Variants in GPR158 observed in about 807,000 individuals in gnomAD.
GPR158 encodes metabotropic glycine receptor.
GPR158 carries 30 observed loss-of-function variants against 78.2 expected under a neutral mutation model. That is an observed-to-expected ratio of 0.38 (90% CI 0.29 to 0.52). The LOEUF (loss-of-function observed/expected upper bound fraction) is 0.52. Ranked by LOEUF, GPR158 falls within the 20% of genes least tolerant of loss-of-function variation. GPR158 has a pLI of 0.83. For missense variants in GPR158, 1,463 were observed against 1,523.5 expected (o/e 0.96, Z 0.66); for synonymous variants, 581 against 591.1 (o/e 0.98, Z 0.25).
chr10:25,476,479 T>A (rs1312466166), intron 5 of GPR158, among the ~76,000 whole-genome samples: 2 of 150,626 alleles, frequency 1.3e-5, no homozygotes, highest in Non-Finnish European at 3.0e-5. Flanking sequence ...ATGTAAGTAA[T>A]ACTTACGTTC....
chr10:25,382,223 C>T (rs1428661035), intron 2 of GPR158, among the ~76,000 whole-genome samples: 2 of 152,202 alleles, frequency 1.3e-5, no homozygotes, highest in East Asian at 3.9e-4. Flanking sequence ...GAAAATTGGG[C>T]TTGCTCACTC....
At chr10:25,471,293 CT>C (rs1374651563) in intron 5 of GPR158, among the ~76,000 whole-genome samples, 8 of 152,022 alleles carry the variant, frequency 5.3e-5, no homozygotes, top group Non-Finnish European at 8.8e-5. Context: ...TGAACTCATC[CT>C]TTTTTATGGC....
chr10:25,465,085 C>G (rs182116839), intron 4 of GPR158, among the ~76,000 whole-genome samples: 18 of 152,170 alleles, frequency 1.2e-4, no homozygotes, highest in Admixed American at 2.0e-4. Context: ...TAACAATACC[C>G]CACAGGGATT....
At chr10:25,337,186 T>C (rs1293243983) in intron 2 of GPR158, among the ~76,000 whole-genome samples, 1 of 152,220 alleles carries the variant, frequency 6.6e-6, no homozygotes, top group South Asian at 2.1e-4. Flanking sequence ...GACATACATA[T>C]AGTAAACCTG....
rs375909342 is a variant in GPR158 at position 25,580,630 on chromosome 10, GTTC to G, written c.1753+7746_1753+7748del. ...ACTTTCTCGTATCTGACAGATTAAC[GTTC>G]TTTAGATTCATTACATACATTTTCT... On this transcript the variant is annotated intron_variant, in intron 7 of 10. Coordinates refer to ENST00000376351, the MANE Select transcript of GPR158 (RefSeq NM_020752.3). 4.7e-4 allele frequency among the ~76,000 whole-genome samples: 72 copies of G among 152,228 alleles called. No homozygotes were observed. The East Asian group carries it at 9.2e-3, about 20-fold the overall frequency.
At chr10:25,359,152 T>C (rs1268411891) in intron 2 of GPR158, among the ~76,000 whole-genome samples, 1 of 152,078 alleles carries the variant, frequency 6.6e-6, no homozygotes, top group African/African-American at 2.4e-5. Context: ...TTTAAGTACA[T>C]ACATGTTAAT....
chr10:25,300,451 C>G (rs1340216112), intron 2 of GPR158, among the ~76,000 whole-genome samples: 1 of 152,138 alleles, frequency 6.6e-6, no homozygotes, highest in African/African-American at 2.4e-5. Context: ...AGGTAAGTGA[C>G]CTTAACTGAA....
intron 2 of GPR158, among the ~76,000 whole-genome samples, chr10:25,221,484 G>T (rs151065358): frequency 6.4e-4 from 97 of 152,264 alleles, no homozygotes; most frequent in African/African-American, 2.3e-3. Flanking sequence ...AAGAAATTAT[G>T]ACTGTTTTTA....
chr10:25,212,736 A>G (rs1371242563), intron 1 of GPR158, among the ~76,000 whole-genome samples: 3 of 143,424 alleles, frequency 2.1e-5, no homozygotes, highest in Non-Finnish European at 4.5e-5. Context: ...GGTTCAAGCG[A>G]TTCTCTTGCC....
intron 2 of GPR158, among the ~76,000 whole-genome samples, chr10:25,365,742 A>G (rs1377548212): frequency 1.3e-5 from 2 of 151,662 alleles, no homozygotes; most frequent in African/African-American, 2.4e-5. Flanking sequence ...TGTAAATTTT[A>G]TGTTTTTATT....
chr10:25,197,779 CT>C (rs1176606369), intron 1 of GPR158, among the ~76,000 whole-genome samples: 1 of 152,126 alleles, frequency 6.6e-6, no homozygotes, highest in Non-Finnish European at 1.5e-5. Flanking sequence ...TTTTCTTCAT[CT>C]ATAAAGTGAG....
At chr10:25,433,602 T>C (rs548094747) in intron 4 of GPR158, among the ~76,000 whole-genome samples, 1 of 151,226 alleles carries the variant, frequency 6.6e-6, no homozygotes, top group African/African-American at 2.4e-5. Flanking sequence ...CATATATGAA[T>C]GTCAAGGTGG....
At chr10:25,596,883 T>G (rs1452907190) in intron 10 of GPR158, 94 bp downstream of exon 10, 10 of 975,316 alleles carry the variant, frequency 1.0e-5, no homozygotes, top group Non-Finnish European at 1.6e-5. Flanking sequence ...TGCATGCATG[T>G]ACACTCATGT....
At chr10:25,532,415 C>A (rs189633250) in intron 5 of GPR158, among the ~76,000 whole-genome samples, 1 of 152,118 alleles carries the variant, frequency 6.6e-6, no homozygotes, top group Non-Finnish European at 1.5e-5. Flanking sequence ...GTCTCATCAT[C>A]ATTTTTTCAT....
At position 25,175,898 on chromosome 10, in the gene GPR158, C is replaced by T. The variant is rs1347539492; in HGVS notation, c.478C>T (p.Leu160=). The part of the protein sequence containing the change: ...LQDDLDWYQA[L]VWSLLEGEPS... Reference sequence around the variant, plus strand: ...GGACGACCTGGATTGGTACCAGGCGCTGGTGTGGAGCCTTCTGGAGGGCGA... The same window carrying T: ...GGACGACCTGGATTGGTACCAGGCGTTGGTGTGGAGCCTTCTGGAGGGCGA... The change falls in exon 1 of 11, where the codon CTG becomes TTG. Residue 160 remains leucine (L), a synonymous_variant. Transcript: ENST00000376351. The surrounding 1 kb of genome is among the most constrained non-coding windows in gnomAD (Gnocchi z 6.4). The T allele has an allele frequency of 2.5e-6, 4 of 1,613,868 alleles. No individual in the cohort carries two copies. Among genetic ancestry groups the T allele is most frequent in the Non-Finnish European group, 3.4e-6 (4 of 1,179,998 alleles).
intron 2 of GPR158, among the ~76,000 whole-genome samples, chr10:25,238,599 G>A (rs1205169547): frequency 6.6e-6 from 1 of 152,144 alleles, no homozygotes. Flanking sequence ...TTTATGAGCT[G>A]CAGGTTATAC....
intron 1 of GPR158, among the ~76,000 whole-genome samples, chr10:25,220,719 G>C (rs560228204): frequency 6.6e-6 from 1 of 152,186 alleles, no homozygotes; most frequent in Non-Finnish European, 1.5e-5. Context: ...CTGAGAGCAA[G>C]TGTTATTTTA....
chr10:25,563,275 A>G (rs1261431784), intron 6 of GPR158, among the ~76,000 whole-genome samples: 1 of 152,008 alleles, frequency 6.6e-6, no homozygotes, highest in African/African-American at 2.4e-5. Flanking sequence ...GACTTGTTCC[A>G]TTTTGGTTAT....
chr10:25,377,739 A>G (rs1834101719), intron 2 of GPR158, among the ~76,000 whole-genome samples: 1 of 152,114 alleles, frequency 6.6e-6, no homozygotes, highest in African/African-American at 2.4e-5. Context: ...ATAATATTCC[A>G]TTATATGGAT....
Sources: allele counts gnomAD v4.1 joint callset (sites outside exome capture counted in the v4.1 genomes callset), GRCh38; gene constraint gnomAD v4.1.1; non-coding constraint Gnocchi (gnomAD v3.1); transcripts MANE v1.5; gene names NCBI Gene and HGNC (gene_info 2026-07-23, HGNC 2026-07-21).